The following CDK19 variants were observed in gnomAD, a reference collection of about 807,000 sequenced individuals.
The protein encoded by CDK19 is cyclin-dependent kinase 19.
A neutral mutation model predicts 68.3 loss-of-function variants in CDK19; 20 were observed. The observed-to-expected ratio is 0.29, with a 90% CI of 0.21 to 0.43. The LOEUF is 0.43. Among genes scored for constraint, CDK19 ranks in the 20% least tolerant of loss-of-function variants. The pLI is 1.00. For missense variants in CDK19, 339 were observed against 623.5 expected (o/e 0.54, Z 4.86); for synonymous variants, 221 against 222.8 (o/e 0.99, Z 0.07).
chr6:110,668,587 C>G (rs1044742051), intron 3 of CDK19, among the ~76,000 whole-genome samples: 1 of 152,012 alleles, frequency 6.6e-6, no homozygotes, highest in African/African-American at 2.4e-5. Flanking sequence ...AATCCCAGCA[C>G]TTTGGGAGGC....
intron 2 of CDK19, among the ~76,000 whole-genome samples, chr6:110,726,593 T>C (rs1404329226): frequency 3.3e-5 from 5 of 152,136 alleles, no homozygotes; most frequent in African/African-American, 1.2e-4. Flanking sequence ...GAAAAATATT[T>C]TGAACTAGTG....
chr6:110,630,516 T>C (rs554923928), intron 6 of CDK19, among the ~76,000 whole-genome samples: 1 of 152,358 alleles, frequency 6.6e-6, no homozygotes, highest in South Asian at 2.1e-4. Context: ...AAACTTATGA[T>C]TCTAAAAGTC....
At chr6:110,617,450 A>G (rs1778387408) in intron 12 of CDK19, among the ~76,000 whole-genome samples, 1 of 151,918 alleles carries the variant, frequency 6.6e-6, no homozygotes. Context: ...TCATGTTTCT[A>G]CATGGCTGTC....
intron 2 of CDK19, among the ~76,000 whole-genome samples, chr6:110,713,428 T>C (rs1273319869): frequency 2.8e-4 from 32 of 113,488 alleles, no homozygotes; most frequent in African/African-American, 1.1e-3. Flanking sequence ...AGAGACTCTG[T>C]CTCAAAAAAA....
At chr6:110,645,724 G>T in intron 4 of CDK19, 1 of 448,350 alleles carries the variant, frequency 2.2e-6, no homozygotes, top group African/African-American at 2.0e-5. Context: ...GAGGCCAACA[G>T]AGTCCCTACA....
At chr6:110,628,845 C>T (rs13214056) in intron 6 of CDK19, among the ~76,000 whole-genome samples, 27,573 of 152,154 alleles carry the variant, frequency 0.18, 2,613 homozygotes, top group South Asian at 0.23. Flanking sequence ...ATTCCTTTGA[C>T]GACCATTTTT....
intron 2 of CDK19, among the ~76,000 whole-genome samples, chr6:110,693,353 A>C (rs546025056): frequency 1.3e-5 from 2 of 152,264 alleles, no homozygotes; most frequent in Non-Finnish European, 2.9e-5. Flanking sequence ...ATTTAGCTTT[A>C]CCTAGAGCCG....
intron 2 of CDK19, among the ~76,000 whole-genome samples, chr6:110,707,426 T>G (rs1295733834): frequency 6.6e-6 from 1 of 152,018 alleles, no homozygotes; most frequent in East Asian, 1.9e-4. Flanking sequence ...AAAACACATC[T>G]TTGGATACCT....
chr6:110,656,704 T>TAAGA (rs1781327357), intron 4 of CDK19, among the ~76,000 whole-genome samples: 4 of 152,232 alleles, frequency 2.6e-5, no homozygotes, highest in African/African-American at 9.6e-5. Flanking sequence ...TGTGTTTCTT[T>TAAGA]GTCTTTCAGG....
At chr6:110,779,685 G>C (rs982927567) in intron 1 of CDK19, among the ~76,000 whole-genome samples, 3 of 152,318 alleles carry the variant, frequency 2.0e-5, no homozygotes, top group Non-Finnish European at 4.4e-5. Flanking sequence ...GAAGGCTGAG[G>C]CAAGAGGATC....
chr6:110,695,186 AT>A (rs1464473971), intron 2 of CDK19, among the ~76,000 whole-genome samples: 8 of 152,180 alleles, frequency 5.3e-5, no homozygotes, highest in African/African-American at 1.9e-4. Context: ...GAAATTGGAA[AT>A]TAATTCCAAA....
intron 4 of CDK19, among the ~76,000 whole-genome samples, chr6:110,663,831 A>C (rs1350610617): frequency 1.3e-5 from 2 of 152,184 alleles, no homozygotes; most frequent in Non-Finnish European, 1.5e-5. Flanking sequence ...ATGCCCAGTC[A>C]GTTCAAAATT....
intron 2 of CDK19, among the ~76,000 whole-genome samples, chr6:110,743,460 G>A (rs1777831640): frequency 6.6e-6 from 1 of 151,906 alleles, no homozygotes; most frequent in South Asian, 2.1e-4. Flanking sequence ...TGGCCAACTT[G>A]GTGAAACCCT....
rs973713357 is a variant in CDK19 at position 110,648,644 on chromosome 6, G to A, written c.457-9938C>T. Among the ~76,000 whole-genome samples, 7 of 148,198 alleles carry A rather than the reference G, an allele frequency of 4.7e-5. No individual in the cohort carries two copies. In the East Asian group the frequency reaches 6.4e-4, roughly 14 times the overall value. ...CAACCTCTGCCTTCCAGGTTCAAGC[G>A]ATTCTCCTGCCTCAGCCTCCTGAGT... On this transcript the variant is annotated intron_variant, in intron 4 of 12. Transcript: ENST00000368911.
intron 2 of CDK19, among the ~76,000 whole-genome samples, chr6:110,692,763 A>G (rs982497156): frequency 6.6e-6 from 1 of 152,184 alleles, no homozygotes; most frequent in Non-Finnish European, 1.5e-5. Flanking sequence ...TTGAGAGGCC[A>G]AAGTGGGTGG....
chr6:110,736,691 C>T (rs1777275183), intron 2 of CDK19, among the ~76,000 whole-genome samples: 1 of 152,090 alleles, frequency 6.6e-6, no homozygotes. Flanking sequence ...ACAAGTTAAG[C>T]TATTTTCTTT....
intron 1 of CDK19, among the ~76,000 whole-genome samples, chr6:110,802,646 C>A (rs1413241327): frequency 6.6e-6 from 1 of 152,060 alleles, no homozygotes; most frequent in Non-Finnish European, 1.5e-5. Flanking sequence ...ATGTAACAAA[C>A]CTACCCATGT....
At chr6:110,781,696 T>A (rs1423707890) in intron 1 of CDK19, among the ~76,000 whole-genome samples, 1 of 151,812 alleles carries the variant, frequency 6.6e-6, no homozygotes, top group Non-Finnish European at 1.5e-5. Flanking sequence ...ATACAAAAAT[T>A]AGCCAGGCGT....
At chr6:110,806,605 A>G (rs1782699210) in intron 1 of CDK19, among the ~76,000 whole-genome samples, 1 of 152,232 alleles carries the variant, frequency 6.6e-6, no homozygotes, top group Admixed American at 6.5e-5. Context: ...AGTCAATACA[A>G]TGAGATACAA....
Sources: gnomAD v4.1 joint callset for allele counts (sites outside exome capture counted in the v4.1 genomes callset) on GRCh38, gnomAD v4.1.1 for gene constraint, MANE v1.5 for transcripts, NCBI Gene and HGNC (gene_info 2026-07-23, HGNC 2026-07-21) for gene names.